Variants in ARHGAP32 observed in about 807,000 individuals in gnomAD.
The protein encoded by ARHGAP32 is Rho GTPase activating protein 32.
A neutral mutation model predicts 186.5 loss-of-function variants in ARHGAP32; 51 were observed. The ratio of observed to expected loss-of-function variants is 0.27; its 90% CI spans 0.22 to 0.35. ARHGAP32 has a LOEUF of 0.35. Among genes scored for constraint, ARHGAP32 ranks in the 10% least tolerant of loss-of-function variants. ARHGAP32 has a pLI of 1.00. For missense variants in ARHGAP32, 2,186 were observed against 2,623.5 expected, an observed-to-expected ratio of 0.83 and a Z score of 3.64; for synonymous variants, 950 against 964.3, an observed-to-expected ratio of 0.99 and a Z score of 0.27.
chr11:129,239,619 C>T (rs1215112280), intron 1 of ARHGAP32, among the ~76,000 whole-genome samples: 10 of 152,138 alleles, frequency 6.6e-5, no homozygotes, highest in Admixed American at 6.6e-4. Flanking sequence ...CATAAAAGAG[C>T]GTCCGAATTC....
chr11:129,179,007 A>G (rs2135526445), intron 1 of ARHGAP32, among the ~76,000 whole-genome samples: 1 of 151,838 alleles, frequency 6.6e-6, no homozygotes, highest in East Asian at 1.9e-4. Context: ...TGAACAGGCA[A>G]CCTACAAAAT....
At chr11:129,103,521 T>C (rs1941962490) in intron 5 of ARHGAP32, among the ~76,000 whole-genome samples, 1 of 151,976 alleles carries the variant, frequency 6.6e-6, no homozygotes. Context: ...CCAAAATATG[T>C]GAAAACATCA....
chr11:129,111,695 T>C (rs150235096), intron 5 of ARHGAP32, among the ~76,000 whole-genome samples: 2 of 152,170 alleles, frequency 1.3e-5, no homozygotes, highest in African/African-American at 4.8e-5. Context: ...TAGTTGTTCA[T>C]GACAGTCTCA....
At chr11:129,195,386 G>A (rs546119279), upstream of ARHGAP32, among the ~76,000 whole-genome samples, 120 of 152,236 alleles carry the variant, frequency 7.9e-4, no homozygotes, top group Middle Eastern at 3.4e-3. Flanking sequence ...AAGTGAAAAC[G>A]TGAACTGTGA....
intron 10 of ARHGAP32, among the ~76,000 whole-genome samples, chr11:129,043,830 T>C (rs1939702168): frequency 6.6e-6 from 1 of 152,188 alleles, no homozygotes; most frequent in Non-Finnish European, 1.5e-5. Context: ...AGTTTGTGGC[T>C]TGGGTTTGCA....
chr11:129,025,479 C>G (rs1396754761), intron 11 of ARHGAP32, among the ~76,000 whole-genome samples: 1 of 152,172 alleles, frequency 6.6e-6, no homozygotes, highest in African/African-American at 2.4e-5. Context: ...AATGGGACAT[C>G]TGCAGATTAT....
At chr11:129,242,465 T>A (rs1945031184) in intron 1 of ARHGAP32, among the ~76,000 whole-genome samples, 1 of 152,188 alleles carries the variant, frequency 6.6e-6, no homozygotes, top group South Asian at 2.1e-4. Flanking sequence ...ACTCCTGTAA[T>A]CCCAGCACTT....
At chr11:129,177,318 C>A (rs1290841828) in intron 1 of ARHGAP32, among the ~76,000 whole-genome samples, 1 of 152,002 alleles carries the variant, frequency 6.6e-6, no homozygotes, top group Non-Finnish European at 1.5e-5. Context: ...CAAAAAGAGT[C>A]CAGGACCAGA....
At chr11:129,085,399 T>C (rs1941356771) in intron 6 of ARHGAP32, among the ~76,000 whole-genome samples, 1 of 152,124 alleles carries the variant, frequency 6.6e-6, no homozygotes, top group Admixed American at 6.6e-5. Flanking sequence ...CAGCTATATA[T>C]CTAACAAAAT....
At chr11:128,978,671 C>A (rs939739465) in intron 19 of ARHGAP32, 99 bp downstream of exon 19, 38 of 1,260,344 alleles carry the variant, frequency 3.0e-5, no homozygotes, top group Non-Finnish European at 4.0e-5. Context: ...ACTGTGAACA[C>A]GTTATGGAAG....
chr11:129,247,057 T>G (rs1383052834), intron 1 of ARHGAP32, among the ~76,000 whole-genome samples: 1 of 152,186 alleles, frequency 6.6e-6, no homozygotes, highest in Non-Finnish European at 1.5e-5. Context: ...TACACTGACA[T>G]AGTAGCAAGT....
At chr11:129,137,517 T>C (rs1403158135) in intron 2 of ARHGAP32, among the ~76,000 whole-genome samples, 1 of 151,952 alleles carries the variant, frequency 6.6e-6, no homozygotes, top group Non-Finnish European at 1.5e-5. Context: ...AAAGTACTAA[T>C]AATATATTCC....
intron 1 of ARHGAP32, among the ~76,000 whole-genome samples, chr11:129,220,475 CA>C (rs1318909335): frequency 6.6e-6 from 1 of 152,092 alleles, no homozygotes; most frequent in African/African-American, 2.4e-5. Context: ...AAAAACTGTC[CA>C]AAACCTAAGT....
chr11:129,077,385 G>A (rs754462154), intron 6 of ARHGAP32, among the ~76,000 whole-genome samples: 4 of 152,132 alleles, frequency 2.6e-5, no homozygotes, highest in Non-Finnish European at 1.5e-5. Context: ...TCTCAGCAGG[G>A]AGGCTTGTAG....
intron 12 of ARHGAP32, 87 bp downstream of exon 12, chr11:128,998,232 G>T: frequency 1.7e-6 from 2 of 1,145,568 alleles, no homozygotes; most frequent in East Asian, 2.6e-5. Flanking sequence ...GGTATCATTT[G>T]ACTAAATCTA....
intron 1 of ARHGAP32, among the ~76,000 whole-genome samples, chr11:129,236,944 G>A (rs1944944761): frequency 6.6e-6 from 1 of 152,068 alleles, no homozygotes; most frequent in South Asian, 2.1e-4. Flanking sequence ...TTTTGCTGAG[G>A]GTTTTCATCA....
At chr11:129,202,501 CA>C (rs1252218626) in intron 1 of ARHGAP32, among the ~76,000 whole-genome samples, 1 of 151,640 alleles carries the variant, frequency 6.6e-6, no homozygotes, top group East Asian at 1.9e-4. Flanking sequence ...CAAGATAAAT[CA>C]AAAATAGAAT....
Position 129,123,329 on chromosome 11 carries a change from T to TAAA in ARHGAP32, c.444+114_444+116dup. The TAAA allele has an allele frequency of 1.5e-5, 11 of 734,548 alleles. No homozygotes were observed. Among genetic ancestry groups the TAAA allele is most frequent in the East Asian group, 3.1e-5 (1 of 32,694 alleles). 45.5% of individuals were successfully genotyped at this position (734,548 alleles called of 1,614,324 possible). ...TTACCTCAACCAATAAGACATCAAT[T>TAAA]AAAAAAAAAACTACTTCAAAGTGTC... On this transcript the variant is annotated intron_variant, in intron 5 of 22. Coordinates refer to ENST00000682385, the MANE Select transcript of ARHGAP32 (RefSeq NM_001378024.1). The surrounding 1 kb of genome is among the most constrained non-coding windows in gnomAD (Gnocchi z 4.6).
At chr11:129,076,538 C>CA (rs1160308312) in intron 6 of ARHGAP32, among the ~76,000 whole-genome samples, 1 of 151,626 alleles carries the variant, frequency 6.6e-6, no homozygotes, top group Non-Finnish European at 1.5e-5. Flanking sequence ...TGAAAAATAC[C>CA]AAAAAATTTG....
Sources: allele counts gnomAD v4.1 joint callset (sites outside exome capture counted in the v4.1 genomes callset), GRCh38; gene constraint gnomAD v4.1.1; non-coding constraint Gnocchi (gnomAD v3.1); transcripts MANE v1.5; gene names NCBI Gene and HGNC (gene_info 2026-07-23, HGNC 2026-07-21).